Variants in C1QC observed in about 807,000 individuals in gnomAD.
C1QC encodes the protein complement C1q subcomponent subunit C.
A neutral mutation model predicts 5.9 loss-of-function variants in C1QC; 4 were observed. The observed-to-expected ratio is 0.68, with a 90% CI of 0.33 to 1.55. C1QC has a LOEUF of 1.55. C1QC is among the 40% of genes most tolerant of loss of function. The pLI, the probability that C1QC is intolerant of heterozygous loss-of-function variation, is 0.06. For synonymous variants in C1QC, 166 were observed against 153.8 expected (o/e 1.08, Z -0.59); for missense variants, 299 against 326.9 (o/e 0.91, Z 0.66).
At position 22,647,435 on chromosome 1, in the gene C1QC, G is replaced by T. The variant is rs756513635; in HGVS notation, c.390G>T (p.Gln130His). The T allele has an allele frequency of 6.2e-7, 1 of 1,614,048 alleles. No homozygotes were observed. The change falls in exon 3 of 3, where the codon CAG becomes CAT. Residue 130 changes from glutamine (Q) to histidine (H), a missense_variant. Physicochemically the swap from Gln to His is conservative, Grantham distance 24. Coordinates refer to ENST00000374640, the MANE Select transcript of C1QC (RefSeq NM_172369.5). Reference sequence around the variant, plus strand: ...TCACGGTCACTCGGCAGACCCACCAGCCCCCTGCACCCAACAGCCTGATCA... The same window carrying T: ...TCACGGTCACTCGGCAGACCCACCATCCCCCTGCACCCAACAGCCTGATCA... ...SVFTVTRQTH[Q>H]PPAPNSLIRF...
rs749046758 is a variant in C1QC, at chr1:22,647,474, C to T, written c.429C>T (p.Val143=). The change falls in exon 3 of 3, where the codon GTC becomes GTT. Residue 143 remains valine, a synonymous_variant. Coordinates refer to ENST00000374640, the MANE Select transcript of C1QC (RefSeq NM_172369.5). ...ACAGCCTGATCAGATTCAACGCGGTCCTCACCAACCCGCAGGGAGATTATG... is the reference window on the plus strand; with the variant it reads ...ACAGCCTGATCAGATTCAACGCGGTTCTCACCAACCCGCAGGGAGATTATG... The part of the protein sequence containing the change: ...APNSLIRFNA[V]LTNPQGDYDT... 1.9e-6 allele frequency: 3 copies of T among 1,614,210 alleles called. No individual in the cohort carries two copies. Among genetic ancestry groups the T allele is most frequent in the Non-Finnish European group, 2.5e-6 (3 of 1,180,044 alleles).
chr1:22,645,599 A>T lies in C1QC; in HGVS notation c.181+1395A>T, dbSNP rs139063895. ...TGGTGGTTTGAAGACATCACGAAGGATGAGACGCTGCTCTGCTCAGCATCA... is the reference window on the plus strand; with the variant it reads ...TGGTGGTTTGAAGACATCACGAAGGTTGAGACGCTGCTCTGCTCAGCATCA... On this transcript the variant is annotated intron_variant, in intron 2 of 2. Transcript: ENST00000374640. Among the ~76,000 whole-genome samples the T allele has an allele frequency of 9.7e-4, 147 of 152,268 alleles. No individual in the cohort carries two copies. In the East Asian group the frequency reaches 0.021, roughly 22 times the overall value.
At position 22,648,040 on chromosome 1, in the gene C1QC, CTTTTTT is replaced by C; in HGVS notation, c.*268_*273del. ...ACCAATGCCTTCTGGTACTGCCATT[CTTTTTT>C]TTTTTTTTTTCAAGTATTGGAAGGG... On this transcript the variant is annotated 3_prime_UTR_variant, in exon 3 of 3. Coordinates refer to ENST00000374640, the MANE Select transcript of C1QC (RefSeq NM_172369.5). 5.6e-6 allele frequency: 2 copies of C among 357,224 alleles called. No individual in the cohort carries two copies. The highest frequency in any genetic ancestry group is 5.1e-6 in the Non-Finnish European group (1 of 196,136). The allele number at this position is 357,224 out of a possible 1,614,324, so 22.1% of individuals were successfully genotyped here.
At chr1:22,645,890 C>T (rs1642360901) in intron 2 of C1QC, among the ~76,000 whole-genome samples, 2 of 152,182 alleles carry the variant, frequency 1.3e-5, no homozygotes, top group Admixed American at 1.3e-4. Flanking sequence ...AATGGGTCTG[C>T]ACAGTCACCC....
intron 2 of C1QC, among the ~76,000 whole-genome samples, chr1:22,645,196 C>G (rs547190817): frequency 6.6e-6 from 1 of 152,174 alleles, no homozygotes; most frequent in South Asian, 2.1e-4. Flanking sequence ...AGAAGGAATT[C>G]TCCAATTTAG....
In C1QC at chr1:22,644,041, C is replaced by T. The variant is rs767376934; in HGVS notation, c.18C>T (p.Ser6=). 5 of 1,588,514 alleles carry T rather than the reference C, an allele frequency of 3.1e-6. No individual in the cohort carries two copies. The highest frequency in any genetic ancestry group is 4.3e-6 in the Non-Finnish European group (5 of 1,168,854). Residue 6 remains serine (S), a synonymous_variant, in exon 2 of 3, where the codon AGC becomes AGT. Coordinates refer to ENST00000374640, the MANE Select transcript of C1QC (RefSeq NM_172369.5). ...TCTCCGGGATGGACGTGGGGCCCAG[C>T]TCCCTGCCCCACCTTGGGCTGAAGC... is the stretch of plus-strand genomic sequence containing the variant. The part of the protein sequence containing the change: MDVGP[S]SLPHLGLKLL...
At chr1:22,646,215 G>T (rs1346004641) in intron 2 of C1QC, among the ~76,000 whole-genome samples, 2 of 152,208 alleles carry the variant, frequency 1.3e-5, no homozygotes, top group Non-Finnish European at 2.9e-5. Flanking sequence ...GCTGACGTGG[G>T]CTGAATGGGG....
In C1QC at chr1:22,647,835, T is replaced by C; in HGVS notation, c.*52T>C. On this transcript the variant is annotated 3_prime_UTR_variant, in exon 3 of 3. Coordinates refer to ENST00000374640, the MANE Select transcript of C1QC (RefSeq NM_172369.5). Reference sequence around the variant, plus strand: ...GGGCCTTCCACCTCCCTCAGCTTCCTGCATGGACCCACCTTACTGGCCAGT... The same window carrying C: ...GGGCCTTCCACCTCCCTCAGCTTCCCGCATGGACCCACCTTACTGGCCAGT... 1 of 1,595,692 alleles carries C rather than the reference T, an allele frequency of 6.3e-7. No homozygotes were observed. The highest frequency in any genetic ancestry group is 2.2e-5 in the East Asian group (1 of 44,834).
Position 22,647,850 on chromosome 1 carries a change from T to G in C1QC, c.*67T>G. ...CTCAGCTTCCTGCATGGACCCACCT[T>G]ACTGGCCAGTCTGCATCCTTGCCTA... On this transcript the variant is annotated 3_prime_UTR_variant, in exon 3 of 3. Coordinates refer to ENST00000374640, the MANE Select transcript of C1QC (RefSeq NM_172369.5). 1 of 1,588,582 alleles carries G rather than the reference T, an allele frequency of 6.3e-7. No homozygotes were observed. The highest frequency in any genetic ancestry group is 2.2e-5 in the East Asian group (1 of 44,734).
rs1416386232 is a variant in C1QC at position 22,648,108 on chromosome 1, A to C, written c.*325A>C. On this transcript the variant is annotated 3_prime_UTR_variant, in exon 3 of 3. Transcript: ENST00000374640. Reference sequence around the variant, plus strand: ...TATAAATAAATCATGAAATCAATACATATGCCTGGCTCAGATTCCTCATTG... The same window carrying C: ...TATAAATAAATCATGAAATCAATACCTATGCCTGGCTCAGATTCCTCATTG... 1 of 366,334 alleles carries C rather than the reference A, an allele frequency of 2.7e-6. No individual in the cohort carries two copies. Among genetic ancestry groups the C allele is most frequent in the Non-Finnish European group, 5.0e-6 (1 of 199,568 alleles). 22.7% of individuals were successfully genotyped at this position (366,334 alleles called of 1,614,324 possible). A position where few individuals can be genotyped will look rare whatever the true frequency, so the allele number is the denominator to read the frequency against.
In C1QC at chr1:22,647,941, C is replaced by T; in HGVS notation, c.*158C>T. 1 of 932,292 alleles carries T rather than the reference C, an allele frequency of 1.1e-6. No individual in the cohort carries two copies. Among genetic ancestry groups the T allele is most frequent in the Non-Finnish European group, 1.6e-6 (1 of 630,228 alleles). The allele number at this position is 932,292 out of a possible 1,614,324, so 57.8% of individuals were successfully genotyped here. A position where few individuals can be genotyped will look rare whatever the true frequency, so the allele number is the denominator to read the frequency against. On this transcript the variant is annotated 3_prime_UTR_variant, in exon 3 of 3. Coordinates refer to ENST00000374640, the MANE Select transcript of C1QC (RefSeq NM_172369.5). ...CCACCCTGACCCACCCCCACTGCACCCCCTCCCCATGGGTTCTCTCCTTCC... is the reference window on the plus strand; with the variant it reads ...CCACCCTGACCCACCCCCACTGCACTCCCTCCCCATGGGTTCTCTCCTTCC...
chr1:22,645,740 T>G (rs1642358133), intron 2 of C1QC, among the ~76,000 whole-genome samples: 1 of 152,130 alleles, frequency 6.6e-6, no homozygotes, highest in African/African-American at 2.4e-5. Flanking sequence ...TGCCCGTATC[T>G]CAACTGAGCA....
chr1:22,646,194 C>A (rs1642366997), intron 2 of C1QC, among the ~76,000 whole-genome samples: 1 of 152,166 alleles, frequency 6.6e-6, no homozygotes, highest in South Asian at 2.1e-4. Flanking sequence ...ACCAGGCCAG[C>A]TGTCATGGGG....
chr1:22,644,205 G>C lies in C1QC; in HGVS notation c.181+1G>C, dbSNP rs1474748327. ...CTGCCGGGGCCCAAGGGGGAGCCAG[G>C]TGAGTCTGCTGGCCTGGTTTGGGGG... On this transcript the variant is annotated splice_donor_variant, in intron 2 of 2. Transcript: ENST00000374640. LOFTEE classifies it high-confidence loss of function. 6.4e-7 allele frequency: 1 copy of C among 1,571,366 alleles called. No homozygotes were observed. Among genetic ancestry groups the C allele is most frequent in the African/African-American group, 1.3e-5 (1 of 74,482 alleles).
chr1:22,643,847 G>A (rs533254066), intron 1 of C1QC, 133 bp downstream of exon 1: 26 of 1,358,520 alleles, frequency 1.9e-5, no homozygotes, highest in African/African-American at 1.3e-4. Context: ...GCTGGGCCCC[G>A]GGGCCTGGGC....
In C1QC at chr1:22,644,210, T is replaced by A. The variant is rs2148294743; in HGVS notation, c.181+6T>A. 1.9e-6 allele frequency: 3 copies of A among 1,564,342 alleles called. No individual in the cohort carries two copies. Among genetic ancestry groups the A allele is most frequent in the South Asian group, 2.4e-5 (2 of 84,202 alleles). On this transcript the variant is annotated splice_donor_region_variant and intron_variant, in intron 2 of 2. Transcript: ENST00000374640. The stretch of plus-strand genomic sequence containing the variant: ...GGGGCCCAAGGGGGAGCCAGGTGAG[T>A]CTGCTGGCCTGGTTTGGGGGTTTGG...
rs775936243 is a variant in C1QC at position 22,644,126 on chromosome 1, A to G, written c.103A>G (p.Ile35Val). 1.9e-5 allele frequency: 30 copies of G among 1,583,604 alleles called. No homozygotes were observed. The highest frequency in any genetic ancestry group is 2.5e-5 in the Non-Finnish European group (29 of 1,165,960). The stretch of plus-strand genomic sequence containing the variant: ...CCAAGCCAACACAGGCTGCTACGGG[A>G]TCCCAGGGATGCCCGGCCTGCCCGG... Reference protein sequence around the residue: ...RGQANTGCYGIPGMPGLPGAP... With the variant: ...RGQANTGCYGVPGMPGLPGAP... Residue 35 changes from isoleucine (I) to valine (V), a missense_variant, in exon 2 of 3, where the codon ATC (isoleucine) becomes GTC (valine). Ile to Val is a conservative substitution (Grantham distance 29, BLOSUM62 3). Around this residue, in one of 3 missense-constraint regions of C1QC, gnomAD observed 146 missense variants for 144.1 expected, o/e 1.01. Transcript: ENST00000374640.
At position 22,643,872 on chromosome 1, in the gene C1QC, C is replaced by T. The variant is rs995162648; in HGVS notation, c.-13-139C>T. ...GGGGCCTGGGCTGAAGAAAAGGCCC[C>T]ACCATCCATCCATGGTGAGGCTCCT... On this transcript the variant is annotated intron_variant, in intron 1 of 2. Transcript: ENST00000374640. 5.1e-6 allele frequency: 7 copies of T among 1,377,322 alleles called. 1 individual carries two copies. The highest frequency in any genetic ancestry group is 5.3e-5 in the East Asian group (2 of 38,060). The allele number at this position is 1,377,322 out of a possible 1,614,324, so 85.3% of individuals were successfully genotyped here.
Position 22,648,045 on chromosome 1 carries a change from T to G in C1QC, c.*262T>G. 1.9e-6 allele frequency: 1 copy of G among 518,952 alleles called. No homozygotes were observed. Among genetic ancestry groups the G allele is most frequent in the Non-Finnish European group, 3.4e-6 (1 of 293,254 alleles). The allele number at this position is 518,952 out of a possible 1,614,324, so 32.1% of individuals were successfully genotyped here. ...TGCCTTCTGGTACTGCCATTCTTTT[T>G]TTTTTTTTTTTCAAGTATTGGAAGG... On this transcript the variant is annotated 3_prime_UTR_variant, in exon 3 of 3. Transcript: ENST00000374640.
Sources: gnomAD v4.1 joint callset for allele counts (sites outside exome capture counted in the v4.1 genomes callset) on GRCh38, gnomAD v4.1.1 for gene constraint, gnomAD v4.1.1 regional missense constraint, MANE v1.5 for transcripts, NCBI Gene and HGNC (gene_info 2026-07-23, HGNC 2026-07-21) for gene names.